PPP2R2B: variants seen among roughly 807,000 people sequenced by gnomAD.
The protein encoded by PPP2R2B is protein phosphatase 2 regulatory subunit Bbeta.
PPP2R2B carries 5 observed loss-of-function variants against 46.0 expected under a neutral mutation model. The observed-to-expected ratio is 0.11, with a 90% confidence interval of 0.06 to 0.23. The LOEUF is 0.23. Ranked by LOEUF, PPP2R2B falls within the 10% of genes least tolerant of loss-of-function variation. The probability of loss-of-function intolerance (pLI) is 1.00; values close to 1 mark genes in which losing one functional copy is unlikely to be tolerated. For synonymous variants in PPP2R2B, 215 were observed against 206.7 expected, an observed-to-expected ratio of 1.04 and a Z score of -0.34; for missense variants, 367 against 575.0, an observed-to-expected ratio of 0.64 and a Z score of 3.70.
At chr5:146,763,434 C>T (rs1754285552) in intron 2 of PPP2R2B, among the ~76,000 whole-genome samples, 1 of 152,204 alleles carries the variant, frequency 6.6e-6, no homozygotes, top group South Asian at 2.1e-4. Flanking sequence ...GATAATCTTA[C>T]CCAAGAGTGG....
At chr5:146,788,846 C>T (rs1179641038) in intron 2 of PPP2R2B, among the ~76,000 whole-genome samples, 1 of 152,194 alleles carries the variant, frequency 6.6e-6, no homozygotes, top group Non-Finnish European at 1.5e-5. Context: ...GGGGTTTTGA[C>T]TCACACAGAC....
intron 1 of PPP2R2B, among the ~76,000 whole-genome samples, chr5:146,886,964 A>G (rs1295836517): frequency 1.3e-5 from 2 of 152,184 alleles, no homozygotes; most frequent in Non-Finnish European, 2.9e-5. Context: ...ATAAAAACAT[A>G]TATGTGACCA....
chr5:146,997,811 CCCAGAAG>C (rs1221901236), intron 1 of PPP2R2B, among the ~76,000 whole-genome samples: 1 of 152,050 alleles, frequency 6.6e-6, no homozygotes, highest in Non-Finnish European at 1.5e-5. Flanking sequence ...AAAGAAATTA[CCCAGAAG>C]CCTTAGGTAA....
intron 1 of PPP2R2B, among the ~76,000 whole-genome samples, chr5:146,893,077 T>C (rs1561500304): frequency 6.6e-6 from 1 of 152,222 alleles, no homozygotes; most frequent in African/African-American, 2.4e-5. Flanking sequence ...TTGTGCTCTC[T>C]GCCAAGAATG....
chr5:146,862,194 C>T (rs916995117), intron 2 of PPP2R2B, among the ~76,000 whole-genome samples: 5 of 152,158 alleles, frequency 3.3e-5, no homozygotes, highest in Admixed American at 6.5e-5. Flanking sequence ...TCAGAGGGAC[C>T]TGCAAGTCTA....
At chr5:146,778,256 C>T (rs540145417) in intron 2 of PPP2R2B, among the ~76,000 whole-genome samples, 1 of 152,142 alleles carries the variant, frequency 6.6e-6, no homozygotes, top group Admixed American at 6.5e-5. Context: ...TTTCATAAAG[C>T]AGATCACCTT....
intron 2 of PPP2R2B, among the ~76,000 whole-genome samples, chr5:146,868,225 A>G (rs978806458): frequency 1.3e-5 from 2 of 152,224 alleles, no homozygotes; most frequent in Non-Finnish European, 2.9e-5. Flanking sequence ...TCTCAAAGTC[A>G]TGGCTGCCCA....
At chr5:146,746,509 GAGC>G (rs1472095081) in intron 2 of PPP2R2B, among the ~76,000 whole-genome samples, 1 of 152,202 alleles carries the variant, frequency 6.6e-6, no homozygotes, top group African/African-American at 2.4e-5. Context: ...ACAGGAGGAT[GAGC>G]AGATCAATTT....
intron 1 of PPP2R2B, among the ~76,000 whole-genome samples, chr5:146,986,606 AT>A (rs1227633161): frequency 6.6e-6 from 1 of 152,224 alleles, no homozygotes; most frequent in African/African-American, 2.4e-5. Flanking sequence ...GAGTAAAAAA[AT>A]ATGGATGAAT....
At position 146,910,270 on chromosome 5, in the gene PPP2R2B, A is replaced by G. The variant is rs530084210; in HGVS notation, c.79+145395T>C. Among the ~76,000 whole-genome samples the G allele has an allele frequency of 2.0e-5, 3 of 152,302 alleles. No individual in the cohort carries two copies. In the East Asian group the frequency reaches 5.8e-4, roughly 29 times the overall value. On this transcript the variant is annotated intron_variant, in intron 1 of 8. Coordinates refer to the PPP2R2B transcript ENST00000336640. ...TTCAAAAAATTTTGCAGATAGAAAA[A>G]AATTTGAAGGCTATACAGCTATGGA...
intron 5 of PPP2R2B, among the ~76,000 whole-genome samples, chr5:146,660,922 T>C (rs991463218): frequency 3.1e-4 from 47 of 152,228 alleles, no homozygotes; most frequent in African/African-American, 1.1e-3. Flanking sequence ...GACATTAATG[T>C]CTCTAAGTAA....
At chr5:146,680,468 C>T (rs974325165) in intron 5 of PPP2R2B, among the ~76,000 whole-genome samples, 18 of 150,574 alleles carry the variant, frequency 1.2e-4, no homozygotes, top group South Asian at 2.1e-4. Flanking sequence ...GTGGGTGCAG[C>T]GCACCAGCAT....
At chr5:146,920,620 G>A (rs1763567808) in intron 1 of PPP2R2B, among the ~76,000 whole-genome samples, 1 of 152,198 alleles carries the variant, frequency 6.6e-6, no homozygotes, top group South Asian at 2.1e-4. Context: ...GCTAGGAAGT[G>A]GCTTTTCATG....
upstream of PPP2R2B, among the ~76,000 whole-genome samples, chr5:146,882,217 C>A (rs1251895974): frequency 6.6e-6 from 1 of 150,852 alleles, no homozygotes; most frequent in Non-Finnish European, 1.5e-5. Flanking sequence ...GCAGAGGTTG[C>A]ATCGCACCAC....
chr5:146,847,383 G>T (rs897061466), intron 2 of PPP2R2B, among the ~76,000 whole-genome samples: 1 of 152,082 alleles, frequency 6.6e-6, no homozygotes, highest in Non-Finnish European at 1.5e-5. Flanking sequence ...TTCTGTAAAG[G>T]TGCCATGCTT....
At chr5:147,014,683 C>G (rs1271683764) in intron 1 of PPP2R2B, among the ~76,000 whole-genome samples, 1 of 137,446 alleles carries the variant, frequency 7.3e-6, no homozygotes, top group Non-Finnish European at 1.5e-5. Flanking sequence ...GGGAATTGAA[C>G]AATGAGAACA....
intron 1 of PPP2R2B, among the ~76,000 whole-genome samples, chr5:147,031,577 C>G: frequency 6.6e-6 from 1 of 151,892 alleles, no homozygotes; most frequent in African/African-American, 2.4e-5. Context: ...CTGGTATCTC[C>G]TCAAATATTG....
chr5:147,016,169 T>C (rs552925409), intron 1 of PPP2R2B, among the ~76,000 whole-genome samples: 7 of 151,478 alleles, frequency 4.6e-5, no homozygotes, highest in Non-Finnish European at 7.4e-5. Flanking sequence ...GATCCATCTC[T>C]ACAAAATTTT....
At chr5:147,045,067 T>C (rs1756485910) in intron 1 of PPP2R2B, among the ~76,000 whole-genome samples, 1 of 152,184 alleles carries the variant, frequency 6.6e-6, no homozygotes, top group Non-Finnish European at 1.5e-5. Flanking sequence ...CAGGTGTCCA[T>C]GTTTATAAAG....
Sources: gnomAD v4.1 joint callset for allele counts (sites outside exome capture counted in the v4.1 genomes callset) on GRCh38, gnomAD v4.1.1 for gene constraint, MANE v1.5 for transcripts, NCBI Gene and HGNC (gene_info 2026-07-23, HGNC 2026-07-21) for gene names.